Variants in GABBR2 observed in about 807,000 individuals in gnomAD.
GABBR2 encodes gamma-aminobutyric acid type B receptor subunit 2.
In GABBR2, 23 loss-of-function variants were observed where a neutral mutation model predicts 105.6. That is an observed-to-expected ratio of 0.22 (90% CI 0.16 to 0.31). GABBR2 has a LOEUF of 0.31. Ranked by LOEUF, GABBR2 falls within the 10% of genes least tolerant of loss-of-function variation. GABBR2 has a pLI of 1.00. For missense variants in GABBR2, 734 were observed against 1,245.5 expected, an observed-to-expected ratio of 0.59 and a Z score of 6.18; for synonymous variants, 478 against 499.7, an observed-to-expected ratio of 0.96 and a Z score of 0.58.
At chr9:98,647,656 G>A (rs1192555487) in intron 1 of GABBR2, among the ~76,000 whole-genome samples, 3 of 152,174 alleles carry the variant, frequency 2.0e-5, no homozygotes, top group Non-Finnish European at 4.4e-5. Context: ...TTTATGAATA[G>A]GCCACCTACT....
At chr9:98,627,613 C>T (rs1185466296) in intron 1 of GABBR2, among the ~76,000 whole-genome samples, 1 of 152,226 alleles carries the variant, frequency 6.6e-6, no homozygotes, top group African/African-American at 2.4e-5. Flanking sequence ...AAGTAGTGAT[C>T]GCCCTGTCAC....
At chr9:98,705,516 C>A (rs1830882133) in intron 1 of GABBR2, among the ~76,000 whole-genome samples, 1 of 152,190 alleles carries the variant, frequency 6.6e-6, no homozygotes. Flanking sequence ...GTCAGCAAAT[C>A]CAGCCAAAAT....
chr9:98,594,249 C>A (rs1829194192), intron 1 of GABBR2, among the ~76,000 whole-genome samples: 1 of 152,208 alleles, frequency 6.6e-6, no homozygotes, highest in Non-Finnish European at 1.5e-5. Context: ...TGCACCTTCC[C>A]AGTGTCTAGC....
At chr9:98,349,649 C>T (rs7021314) in intron 13 of GABBR2, among the ~76,000 whole-genome samples, 4,022 of 152,050 alleles carry the variant, frequency 0.026, 163 homozygotes, top group African/African-American at 0.091. Flanking sequence ...CCACTGTGCC[C>T]GGAGAATATT....
chr9:98,620,496 T>C (rs968866687), intron 1 of GABBR2, among the ~76,000 whole-genome samples: 1 of 152,158 alleles, frequency 6.6e-6, no homozygotes, highest in African/African-American at 2.4e-5. Context: ...AAATCCTAGA[T>C]TTAAAAAGAA....
chr9:98,530,131 G>A (rs142995584), intron 3 of GABBR2, among the ~76,000 whole-genome samples: 5 of 152,306 alleles, frequency 3.3e-5, no homozygotes, highest in East Asian at 1.9e-4. Context: ...CAAGAGGACC[G>A]GCAGAAACAA....
At chr9:98,530,728 G>C (rs933550136) in intron 3 of GABBR2, among the ~76,000 whole-genome samples, 1 of 152,154 alleles carries the variant, frequency 6.6e-6, no homozygotes, top group Non-Finnish European at 1.5e-5. Flanking sequence ...AGGCTGCAGT[G>C]AGCTACGACT....
At chr9:98,587,407 C>A (rs1829093351) in intron 1 of GABBR2, among the ~76,000 whole-genome samples, 1 of 152,170 alleles carries the variant, frequency 6.6e-6, no homozygotes, top group East Asian at 1.9e-4. Flanking sequence ...ACTAAATCAG[C>A]ACCTATTATC....
chr9:98,571,363 C>T (rs951596307), intron 2 of GABBR2, among the ~76,000 whole-genome samples: 3 of 152,188 alleles, frequency 2.0e-5, no homozygotes, highest in Admixed American at 6.5e-5. Flanking sequence ...CCTCCATGTC[C>T]TCTTTCCCAC....
chr9:98,424,030 A>G (rs1282566276), intron 7 of GABBR2, among the ~76,000 whole-genome samples: 4 of 152,170 alleles, frequency 2.6e-5, no homozygotes, highest in African/African-American at 9.7e-5. Context: ...GTAGCCTTGT[A>G]GTATAGTTTG....
chr9:98,617,443 GAGCCCCAAGTACCTCTAAGGTTTCT>G (rs1829602574), intron 1 of GABBR2, among the ~76,000 whole-genome samples: 1 of 152,194 alleles, frequency 6.6e-6, no homozygotes. Flanking sequence ...GAATGACTGG[GAGCCCCAAGTACCTCTAAGGTTTCT>G]GATTTTATTC....
intron 2 of GABBR2, among the ~76,000 whole-genome samples, chr9:98,551,725 C>T (rs1363899078): frequency 6.6e-6 from 1 of 152,176 alleles, no homozygotes; most frequent in Non-Finnish European, 1.5e-5. Context: ...CAAGCAGCAC[C>T]TGAATGCAGA....
rs1163295383 is a variant in GABBR2 at position 98,708,881 on chromosome 9, C to T, written c.-144G>A. On this transcript the variant is annotated 5_prime_UTR_variant, in exon 1 of 19. Coordinates refer to ENST00000259455, the MANE Select transcript of GABBR2 (RefSeq NM_005458.8). ...TCCGTCTCGGGCTAGGGTTCCGGCT[C>T]GGCTCAGAACGGCCGCGGCGGCGGC... The T allele has an allele frequency of 1.3e-5, 4 of 316,404 alleles. No individual in the cohort carries two copies. Among genetic ancestry groups the T allele is most frequent in the Admixed American group, 8.1e-5 (1 of 12,366 alleles). 19.6% of individuals were successfully genotyped at this position (316,404 alleles called of 1,614,324 possible). A position where few individuals can be genotyped will look rare whatever the true frequency, so the allele number is the denominator to read the frequency against.
intron 1 of GABBR2, among the ~76,000 whole-genome samples, chr9:98,704,938 AC>A (rs1830874910): frequency 1.6e-5 from 2 of 123,728 alleles, no homozygotes; most frequent in Admixed American, 9.3e-5. Flanking sequence ...AGAGAATGAG[AC>A]CCCCAACTCT....
chr9:98,395,481 C>A (rs531996079), intron 8 of GABBR2, among the ~76,000 whole-genome samples: 2 of 151,938 alleles, frequency 1.3e-5, no homozygotes, highest in African/African-American at 4.8e-5. Context: ...GGAATGAGAC[C>A]CCCAGGGAAA....
chr9:98,490,222 G>C (rs1564090643), intron 4 of GABBR2, among the ~76,000 whole-genome samples: 1 of 151,938 alleles, frequency 6.6e-6, no homozygotes, highest in Non-Finnish European at 1.5e-5. Flanking sequence ...GGTTAAAATG[G>C]TAAATTTTAT....
chr9:98,426,218 A>G (rs1307882121), intron 7 of GABBR2, among the ~76,000 whole-genome samples: 1 of 152,220 alleles, frequency 6.6e-6, no homozygotes, highest in African/African-American at 2.4e-5. Context: ...CAAAGAGAAC[A>G]TCATGTTGCT....
intron 7 of GABBR2, among the ~76,000 whole-genome samples, chr9:98,435,640 C>T (rs1025760889): frequency 1.3e-5 from 2 of 152,210 alleles, no homozygotes; most frequent in African/African-American, 4.8e-5. Flanking sequence ...ACCCACCACT[C>T]CAGGCTCATC....
intron 13 of GABBR2, among the ~76,000 whole-genome samples, chr9:98,319,367 C>T (rs754143926): frequency 6.6e-5 from 10 of 152,062 alleles, no homozygotes; most frequent in Admixed American, 4.6e-4. Flanking sequence ...GCAGCAGCCC[C>T]GCACCTCTGA....
Sources: allele counts gnomAD v4.1 joint callset (sites outside exome capture counted in the v4.1 genomes callset), GRCh38; gene constraint gnomAD v4.1.1; transcripts MANE v1.5; gene names NCBI Gene and HGNC (gene_info 2026-07-23, HGNC 2026-07-21).